Variants in MYBL2 observed in about 807,000 individuals in gnomAD.
MYBL2 encodes myb-related protein B.
Under a neutral mutation model 79.9 loss-of-function variants are expected in MYBL2, and 28 were observed. The ratio of observed to expected loss-of-function variants is 0.35; its 90% CI spans 0.26 to 0.48. MYBL2 has a LOEUF of 0.48. Among genes scored for constraint, MYBL2 ranks in the 20% least tolerant of loss-of-function variants. MYBL2 has a pLI of 0.99. For missense variants in MYBL2, 735 were observed against 893.9 expected (o/e 0.82, Z 2.27); for synonymous variants, 378 against 361.2 (o/e 1.05, Z -0.53).
intron 13 of MYBL2, 32 bp downstream of exon 13, chr20:43,715,315 C>T: frequency 6.2e-7 from 1 of 1,613,348 alleles, no homozygotes. Context: ...GGGGGTCCTG[C>T]AGTGCCCGCC....
At chr20:43,710,123 C>A in intron 10 of MYBL2, 61 bp downstream of exon 10, 1 of 1,359,770 alleles carries the variant, frequency 7.4e-7, no homozygotes, top group African/African-American at 1.5e-5. Context: ...GTTCATCCAA[C>A]CATGTTCAGT....
chr20:43,674,234 C>G (rs3092437), intron 2 of MYBL2, among the ~76,000 whole-genome samples: 2 of 72,230 alleles, frequency 2.8e-5, no homozygotes. Context: ...TCCCCCCACC[C>G]TTTTTTTTTT....
In MYBL2 at chr20:43,712,343, C is replaced by T. The variant is rs568090673; in HGVS notation, c.1720-659C>T. Among the ~76,000 whole-genome samples, 5 of 152,286 alleles carry T rather than the reference C, an allele frequency of 3.3e-5. No homozygotes were observed. In the East Asian group the frequency reaches 7.7e-4, roughly 24 times the overall value. ...AGGGGAGGTGGGCGGTCAGCCTGGG[C>T]GGGACTTGCCCGAGCTGGCACCCCA... On this transcript the variant is annotated intron_variant, in intron 11 of 13. Coordinates refer to ENST00000217026, the MANE Select transcript of MYBL2 (RefSeq NM_002466.4).
At chr20:43,707,181 GTT>G (rs3091888) in intron 9 of MYBL2, among the ~76,000 whole-genome samples, 7 of 140,710 alleles carry the variant, frequency 5.0e-5, no homozygotes, top group Admixed American at 1.4e-4. Flanking sequence ...TCTCTTTCTA[GTT>G]TTTTTTTTTT....
intron 10 of MYBL2, 37 bp from the exon 11 acceptor site, chr20:43,711,451 T>C: frequency 6.5e-7 from 1 of 1,534,764 alleles, no homozygotes; most frequent in Non-Finnish European, 9.0e-7. Context: ...AGCCCGAGTG[T>C]GGTGCCTCAC....
At chr20:43,685,691 G>C (rs1987256173) in intron 4 of MYBL2, among the ~76,000 whole-genome samples, 2 of 151,950 alleles carry the variant, frequency 1.3e-5, no homozygotes, top group Admixed American at 1.3e-4. Flanking sequence ...GGAGACGGAG[G>C]TTGCAGTGAG....
rs534744689 is a variant in MYBL2, at chr20:43,716,223, G to C, written c.*136G>C. ...CACCAGCCCCTCCCCAGACTCTCAG[G>C]TGGAGGCAACAGGGCCATGTGCTGC... On this transcript the variant is annotated 3_prime_UTR_variant, in exon 14 of 14. Transcript: ENST00000217026. The C allele has an allele frequency of 7.1e-7, 1 of 1,407,188 alleles. No individual in the cohort carries two copies. Among genetic ancestry groups the C allele is most frequent in the East Asian group, 2.4e-5 (1 of 41,758 alleles). The allele number at this position is 1,407,188 out of a possible 1,614,324, so 87.2% of individuals were successfully genotyped here.
intron 12 of MYBL2, 104 bp downstream of exon 12, chr20:43,713,210 A>C: frequency 2.2e-6 from 1 of 457,752 alleles, no homozygotes. Flanking sequence ...TGGGCTCTGC[A>C]GGGAGGGGCT....
At chr20:43,693,153 A>G (rs1465957096) in intron 6 of MYBL2, among the ~76,000 whole-genome samples, 2 of 152,056 alleles carry the variant, frequency 1.3e-5, no homozygotes, top group African/African-American at 4.8e-5. Flanking sequence ...TGCCTCAGCA[A>G]CCTGAGTAGC....
intron 2 of MYBL2, among the ~76,000 whole-genome samples, chr20:43,674,773 C>A (rs1986965966): frequency 6.6e-6 from 1 of 151,960 alleles, no homozygotes; most frequent in Non-Finnish European, 1.5e-5. Flanking sequence ...CCCAGGTGAT[C>A]CACCTGCCTC....
chr20:43,709,591 C>G (rs539956215), intron 9 of MYBL2, among the ~76,000 whole-genome samples: 11 of 152,190 alleles, frequency 7.2e-5, no homozygotes, highest in Non-Finnish European at 1.6e-4. Flanking sequence ...CCTTCTCACA[C>G]AGGCTCTCCA....
intron 9 of MYBL2, 144 bp downstream of exon 9, chr20:43,705,502 C>A: frequency 1.0e-6 from 1 of 954,166 alleles, no homozygotes; most frequent in Non-Finnish European, 1.4e-6. Flanking sequence ...CCTCTCCTTT[C>A]TGGCCACCAC....
chr20:43,708,783 G>A lies in MYBL2; in HGVS notation c.1506-1180G>A, dbSNP rs146800962. ...GATGCCACGAATTAGAGAGGTTCTG[G>A]AATTTTCTCATGTTCCTCAGAAACT... On this transcript the variant is annotated intron_variant, in intron 9 of 13. Coordinates refer to ENST00000217026, the MANE Select transcript of MYBL2 (RefSeq NM_002466.4). 4.2e-4 allele frequency among the ~76,000 whole-genome samples: 64 copies of A among 152,294 alleles called. No individual in the cohort carries two copies. In the East Asian group the frequency reaches 8.5e-3, roughly 20 times the overall value.
intron 7 of MYBL2, among the ~76,000 whole-genome samples, chr20:43,700,745 C>T (rs889214817): frequency 6.6e-6 from 1 of 152,124 alleles, no homozygotes; most frequent in Non-Finnish European, 1.5e-5. Flanking sequence ...AACATACAGT[C>T]TGCGTGGTAT....
Position 43,705,373 on chromosome 20 carries a change from G to T in MYBL2, c.1505+15G>T, listed in dbSNP as rs1568874984. On this transcript the variant is annotated intron_variant, in intron 9 of 13. Coordinates refer to ENST00000217026, the MANE Select transcript of MYBL2 (RefSeq NM_002466.4). ...AAACATGCTGCGTGAGTGCTGCAGT[G>T]CCCCCAACCTTCGCCGTCCTCTCCC... is the stretch of plus-strand genomic sequence containing the variant. 1 of 1,588,802 alleles carries T rather than the reference G, an allele frequency of 6.3e-7. No homozygotes were observed. The highest frequency in any genetic ancestry group is 8.6e-7 in the Non-Finnish European group (1 of 1,164,708).
chr20:43,667,575 C>G (rs981978409), intron 1 of MYBL2, among the ~76,000 whole-genome samples: 2 of 152,110 alleles, frequency 1.3e-5, no homozygotes, highest in Non-Finnish European at 2.9e-5. Context: ...CGGGCCAAGC[C>G]GTGCATGATG....
chr20:43,695,395 A>G lies in MYBL2; in HGVS notation c.663+3076A>G, dbSNP rs111442661. Among the ~76,000 whole-genome samples, 269 of 152,122 alleles carry G rather than the reference A, an allele frequency of 1.8e-3. 2 individuals carry two copies. Among genetic ancestry groups the G allele is most frequent in the African/African-American group, 6.1e-3 (252 of 41,488 alleles). ...TCCAATGTGGTCTTTCTGGTGTGCT[A>G]TTTATTTAACTAGTTTCTTACTGAT... On this transcript the variant is annotated intron_variant, in intron 6 of 13. Coordinates refer to ENST00000217026, the MANE Select transcript of MYBL2 (RefSeq NM_002466.4).
At chr20:43,681,879 C>G in intron 3 of MYBL2, 24 bp downstream of exon 3, 7 of 1,612,628 alleles carry the variant, frequency 4.3e-6, no homozygotes, top group Non-Finnish European at 5.9e-6. Flanking sequence ...TGCTGTGGCC[C>G]TCCCTCGGGG....
At position 43,677,661 on chromosome 20, in the gene MYBL2, G is replaced by A. The variant is rs1373912571; in HGVS notation, c.114+3762G>A. ...GAGGAGCCCCTCTGCCTGGCCAGCC[G>A]CCCCGACTGGGAGGGAGGTGGGGGG... On this transcript the variant is annotated intron_variant, in intron 2 of 13. Transcript: ENST00000217026. Among the ~76,000 whole-genome samples, 34 of 149,460 alleles carry A rather than the reference G, an allele frequency of 2.3e-4. 1 individual carries two copies. Among genetic ancestry groups the A allele is most frequent in the African/African-American group, 5.9e-4 (24 of 40,652 alleles).
Sources: gnomAD v4.1 joint callset for allele counts (sites outside exome capture counted in the v4.1 genomes callset) on GRCh38, gnomAD v4.1.1 for gene constraint, MANE v1.5 for transcripts, NCBI Gene and HGNC (gene_info 2026-07-23, HGNC 2026-07-21) for gene names.